The following KIAA1549L variants were observed in gnomAD, a reference collection of about 807,000 sequenced individuals.
KIAA1549L encodes the protein KIAA1549 like.
KIAA1549L carries 88 observed loss-of-function variants against 160.7 expected under a neutral mutation model. The observed-to-expected ratio is 0.55, with a 90% CI of 0.46 to 0.65. The LOEUF (loss-of-function observed/expected upper bound fraction) is 0.65, where lower values mean the gene tolerates loss of function less well. KIAA1549L is among the 30% of genes least tolerant of loss of function. KIAA1549L has a pLI of 0.00. For missense variants in KIAA1549L, 2,258 were observed against 2,437.5 expected (o/e 0.93, Z 1.55); for synonymous variants, 950 against 976.7 (o/e 0.97, Z 0.51).
rs1849960789 is a variant in KIAA1549L at position 33,588,903 on chromosome 11, G to C, written c.4567-2334G>C. Among the ~76,000 whole-genome samples the C allele has an allele frequency of 2.0e-5, 3 of 152,276 alleles. No homozygotes were observed. In the South Asian group the frequency reaches 6.2e-4, roughly 32 times the overall value. ...GCTGTCCATGGCAAAGCTATAGACA[G>C]CCTCAAATAAAAAAGCCATGTTGGA... On this transcript the variant is annotated intron_variant, in intron 11 of 20. Coordinates refer to ENST00000658780, the MANE Select transcript of KIAA1549L (RefSeq NM_012194.3).
chr11:33,659,168 G>T (rs1245751287), intron 19 of KIAA1549L, among the ~76,000 whole-genome samples: 2 of 152,002 alleles, frequency 1.3e-5, no homozygotes, highest in Non-Finnish European at 1.5e-5. Context: ...AATTTTTTTG[G>T]TTTTGTCTTT....
At chr11:33,402,091 A>G (rs1565121142) in intron 1 of KIAA1549L, among the ~76,000 whole-genome samples, 1 of 152,152 alleles carries the variant, frequency 6.6e-6, no homozygotes, top group South Asian at 2.1e-4. Flanking sequence ...ACAATGTTAC[A>G]ACTCCAGCAT....
rs536909085 is a variant in KIAA1549L, at chr11:33,425,722, G to A, written c.238+48833G>A. ...AATTCTATTTCACTTTGCATCACAC[G>A]TCATATGGATGGAGAAACCCAGCAA... On this transcript the variant is annotated intron_variant, in intron 1 of 20. Coordinates refer to ENST00000658780, the MANE Select transcript of KIAA1549L (RefSeq NM_012194.3). Among the ~76,000 whole-genome samples the A allele has an allele frequency of 8.5e-5, 13 of 152,270 alleles. No individual in the cohort carries two copies. In the East Asian group the frequency reaches 1.2e-3, roughly 14 times the overall value.
chr11:33,616,887 G>A (rs113437038), intron 15 of KIAA1549L, among the ~76,000 whole-genome samples: 1,541 of 152,146 alleles, frequency 0.01, 16 homozygotes, highest in African/African-American at 0.033. Flanking sequence ...ACCTGTAATC[G>A]CAGCACTTTG....
At chr11:33,382,487 T>C (rs934775044) in intron 1 of KIAA1549L, among the ~76,000 whole-genome samples, 3 of 152,080 alleles carry the variant, frequency 2.0e-5, no homozygotes, top group Admixed American at 1.3e-4. Flanking sequence ...ACAATTCTTA[T>C]GAAGTTTTTT....
At chr11:33,484,666 T>A (rs1011233784) in intron 1 of KIAA1549L, among the ~76,000 whole-genome samples, 2 of 152,074 alleles carry the variant, frequency 1.3e-5, no homozygotes, top group African/African-American at 2.4e-5. Context: ...AAGTATTAGC[T>A]GTAGCTATAT....
chr11:33,408,544 C>T (rs1235674576), intron 1 of KIAA1549L, among the ~76,000 whole-genome samples: 1 of 147,294 alleles, frequency 6.8e-6, no homozygotes, highest in Non-Finnish European at 1.5e-5. Context: ...AATTTTAGAT[C>T]TTCCCAAACC....
At chr11:33,469,920 G>A (rs1214885973) in intron 1 of KIAA1549L, among the ~76,000 whole-genome samples, 1 of 152,144 alleles carries the variant, frequency 6.6e-6, no homozygotes, top group African/African-American at 2.4e-5. Flanking sequence ...CTAGATACAA[G>A]CGTCTTATCA....
At chr11:33,564,443 C>T (rs1238659989) in intron 8 of KIAA1549L, among the ~76,000 whole-genome samples, 1 of 152,228 alleles carries the variant, frequency 6.6e-6, no homozygotes, top group Admixed American at 6.5e-5. Flanking sequence ...ACATACTTCT[C>T]CTGCCTCAGA....
In KIAA1549L at chr11:33,511,546, C is replaced by A. The variant is rs912831779; in HGVS notation, c.239-30256C>A. Among the ~76,000 whole-genome samples the A allele has an allele frequency of 5.3e-5, 8 of 152,316 alleles. No individual in the cohort carries two copies. In the East Asian group the frequency reaches 1.5e-3, roughly 29 times the overall value. The stretch of plus-strand genomic sequence containing the variant: ...ATCGGTGATGCAATGTTACCAAATA[C>A]CTGTGTACAGTTCCATCAAACATTG... On this transcript the variant is annotated intron_variant, in intron 1 of 20. Coordinates refer to ENST00000658780, the MANE Select transcript of KIAA1549L (RefSeq NM_012194.3).
chr11:33,419,499 T>C (rs1850956525), intron 1 of KIAA1549L, among the ~76,000 whole-genome samples: 1 of 152,220 alleles, frequency 6.6e-6, no homozygotes, highest in South Asian at 2.1e-4. Context: ...TTTCCCCCCG[T>C]CCTTCATCAG....
chr11:33,636,135 G>T (rs1851430576), intron 16 of KIAA1549L, among the ~76,000 whole-genome samples: 1 of 152,142 alleles, frequency 6.6e-6, no homozygotes, highest in Admixed American at 6.5e-5. Flanking sequence ...TGGTTATTCA[G>T]ACAACCACTG....
At chr11:33,480,849 A>C (rs913385916) in intron 1 of KIAA1549L, among the ~76,000 whole-genome samples, 1 of 152,202 alleles carries the variant, frequency 6.6e-6, no homozygotes, top group East Asian at 1.9e-4. Context: ...TGTCACCCCC[A>C]TCAGAAGCCC....
intron 1 of KIAA1549L, among the ~76,000 whole-genome samples, chr11:33,435,794 A>ATATATATATGTGTGTGTGTGTGTGTGTG (rs1851351901): frequency 3.1e-5 from 1 of 32,358 alleles, no homozygotes; most frequent in African/African-American, 2.2e-4. Context: ...ATATATATAT[A>ATATATATATGTGTGTGTGTGTGTGTGTG]TATATATATA....
chr11:33,521,829 T>C (rs1853501088), intron 1 of KIAA1549L, among the ~76,000 whole-genome samples: 1 of 152,152 alleles, frequency 6.6e-6, no homozygotes, highest in African/African-American at 2.4e-5. Flanking sequence ...TAATCACAGA[T>C]TGGTCTGAAG....
intron 16 of KIAA1549L, among the ~76,000 whole-genome samples, chr11:33,635,763 G>T (rs1851420945): frequency 1.3e-5 from 2 of 151,988 alleles, no homozygotes; most frequent in Admixed American, 1.3e-4. Flanking sequence ...TTTTGAGTAG[G>T]AATTCTCCAG....
intron 1 of KIAA1549L, among the ~76,000 whole-genome samples, chr11:33,502,648 A>G (rs1372892739): frequency 6.6e-6 from 1 of 152,228 alleles, no homozygotes; most frequent in East Asian, 1.9e-4. Context: ...TGCCAAATAC[A>G]GGTATATCAA....
At chr11:33,508,912 C>T (rs970370608) in intron 1 of KIAA1549L, among the ~76,000 whole-genome samples, 3 of 152,294 alleles carry the variant, frequency 2.0e-5, no homozygotes, top group East Asian at 1.9e-4. Flanking sequence ...TAAAATGAGA[C>T]GGCTGGGGCA....
At chr11:33,390,978 A>T (rs1223827816) in intron 1 of KIAA1549L, among the ~76,000 whole-genome samples, 1 of 152,198 alleles carries the variant, frequency 6.6e-6, no homozygotes, top group East Asian at 1.9e-4. Flanking sequence ...TAGGTGCACG[A>T]TGTCTCCAAG....
Sources: allele counts gnomAD v4.1 joint callset (sites outside exome capture counted in the v4.1 genomes callset), GRCh38; gene constraint gnomAD v4.1.1; transcripts MANE v1.5; gene names NCBI Gene and HGNC (gene_info 2026-07-23, HGNC 2026-07-21).